ZNF804B: variants seen among roughly 807,000 people sequenced by gnomAD.
The protein encoded by ZNF804B is zinc finger protein 804B.
ZNF804B carries 80 observed loss-of-function variants against 101.4 expected under a neutral mutation model. That is an observed-to-expected ratio of 0.79 (90% CI 0.66 to 0.95). The LOEUF (loss-of-function observed/expected upper bound fraction) is 0.95. Among genes scored for constraint, ZNF804B ranks in the 40% least tolerant of loss-of-function variants. The pLI, the probability that ZNF804B is intolerant of heterozygous loss-of-function variation, is 0.00. For synonymous variants in ZNF804B, 622 were observed against 558.8 expected, an observed-to-expected ratio of 1.11 and a Z score of -1.59; for missense variants, 1,673 against 1,561.9, an observed-to-expected ratio of 1.07 and a Z score of -1.20.
intron 1 of ZNF804B, chr7:88,795,010 G>T: frequency 2.2e-6 from 3 of 1,373,648 alleles, no homozygotes; most frequent in Non-Finnish European, 2.9e-6. Flanking sequence ...TGCTGCCAGG[G>T]TACCTCTTTA....
chr7:88,882,275 C>T (rs1005682603), intron 1 of ZNF804B, among the ~76,000 whole-genome samples: 5 of 152,224 alleles, frequency 3.3e-5, no homozygotes, highest in South Asian at 4.1e-4. Context: ...TTAAAAAATG[C>T]TCAACGTCAG....
At chr7:88,954,578 A>T (rs1793275544) in intron 1 of ZNF804B, among the ~76,000 whole-genome samples, 1 of 150,704 alleles carries the variant, frequency 6.6e-6, no homozygotes, top group Non-Finnish European at 1.5e-5. Flanking sequence ...CACGGGTGGC[A>T]TGAGCAGATA....
intron 1 of ZNF804B, among the ~76,000 whole-genome samples, chr7:88,934,782 A>G (rs892847727): frequency 6.6e-6 from 1 of 152,038 alleles, no homozygotes; most frequent in South Asian, 2.1e-4. Flanking sequence ...ACACCTTTAC[A>G]TTCCTGGTGG....
chr7:88,898,576 C>A (rs1792343905), intron 1 of ZNF804B, among the ~76,000 whole-genome samples: 1 of 152,108 alleles, frequency 6.6e-6, no homozygotes, highest in Admixed American at 6.6e-5. Flanking sequence ...TTTATATGGT[C>A]ACACCTCTCC....
At chr7:88,866,991 A>G (rs753505222) in intron 1 of ZNF804B, among the ~76,000 whole-genome samples, 1 of 152,238 alleles carries the variant, frequency 6.6e-6, no homozygotes, top group Non-Finnish European at 1.5e-5. Context: ...TAAGATGGGC[A>G]CAACAGAATT....
chr7:88,855,535 T>A (rs377006950), intron 1 of ZNF804B, among the ~76,000 whole-genome samples: 2 of 152,024 alleles, frequency 1.3e-5, no homozygotes, highest in Non-Finnish European at 2.9e-5. Context: ...TTGCAAAAAT[T>A]TTCTCCCATT....
At chr7:88,840,952 G>C (rs530918301) in intron 1 of ZNF804B, among the ~76,000 whole-genome samples, 1 of 152,234 alleles carries the variant, frequency 6.6e-6, no homozygotes, top group Non-Finnish European at 1.5e-5. Context: ...CTCATTGACT[G>C]CTAGGGAATA....
At position 89,065,133 on chromosome 7, in the gene ZNF804B, G is replaced by C. The variant is rs572590231; in HGVS notation, c.109-153022G>C. ...CACCTGTCAAGAGAAAGAACCCTCC[G>C]ATAGGAGCTTGCCAGAGCAGCCCCT... On this transcript the variant is annotated intron_variant, in intron 1 of 3. Transcript: ENST00000333190. 2.6e-5 allele frequency among the ~76,000 whole-genome samples: 4 copies of C among 152,162 alleles called. No individual in the cohort carries two copies. In the East Asian group the frequency reaches 7.7e-4, roughly 29 times the overall value.
chr7:88,883,292 C>G (rs1167848091), intron 1 of ZNF804B, among the ~76,000 whole-genome samples: 12 of 152,186 alleles, frequency 7.9e-5, no homozygotes, highest in African/African-American at 2.9e-4. Flanking sequence ...CACATTTTGA[C>G]AAACAGTGAA....
rs151149922 is a variant in ZNF804B at position 88,989,139 on chromosome 7, C to T, written c.109-229016C>T. ...CCGGGTTCAAGGGATTCTCCTGCCT[C>T]AGCCTCCCAAGTAGCTAGGACTTAA... On this transcript the variant is annotated intron_variant, in intron 1 of 3. Coordinates refer to ENST00000333190, the MANE Select transcript of ZNF804B (RefSeq NM_181646.5). Among the ~76,000 whole-genome samples, 383 of 152,072 alleles carry T rather than the reference C, an allele frequency of 2.5e-3. 2 individuals are homozygous for T. Among genetic ancestry groups the T allele is most frequent in the African/African-American group, 9.0e-3 (372 of 41,442 alleles).
chr7:88,779,076 T>C (rs547831937), intron 1 of ZNF804B, among the ~76,000 whole-genome samples: 7 of 152,198 alleles, frequency 4.6e-5, no homozygotes, highest in Non-Finnish European at 8.8e-5. Context: ...GATTCTGAGA[T>C]ATAAAGATGG....
intron 2 of ZNF804B, among the ~76,000 whole-genome samples, chr7:89,323,139 C>G (rs928192359): frequency 2.0e-5 from 3 of 152,182 alleles, no homozygotes; most frequent in African/African-American, 7.2e-5. Flanking sequence ...AAAAAGATGT[C>G]CATCTGCAAA....
Position 89,202,117 on chromosome 7 carries a change from T to C in ZNF804B, c.109-16038T>C, listed in dbSNP as rs571742273. On this transcript the variant is annotated intron_variant, in intron 1 of 3. Transcript: ENST00000333190. ...CACAGTAAAATGGCACAGTAACTCATCCAAGCATTCATATCATAACTAAAT... is the reference window on the plus strand; with the variant it reads ...CACAGTAAAATGGCACAGTAACTCACCCAAGCATTCATATCATAACTAAAT... 1.6e-3 allele frequency among the ~76,000 whole-genome samples: 250 copies of C among 152,208 alleles called. 1 individual carries two copies. The highest frequency in any genetic ancestry group is 3.0e-3 in the Non-Finnish European group (207 of 67,984).
chr7:88,888,405 T>G (rs1346060370), intron 1 of ZNF804B, among the ~76,000 whole-genome samples: 1 of 152,040 alleles, frequency 6.6e-6, no homozygotes, highest in Non-Finnish European at 1.5e-5. Flanking sequence ...AATATATATA[T>G]ATTAGTTTTA....
intron 2 of ZNF804B, among the ~76,000 whole-genome samples, chr7:89,219,980 C>CATAT (rs10640877): frequency 2.4e-4 from 6 of 25,228 alleles, no homozygotes; most frequent in African/African-American, 7.6e-4. Context: ...TATGTATATA[C>CATAT]ATATGTGTGC....
intron 2 of ZNF804B, among the ~76,000 whole-genome samples, chr7:89,290,871 G>T (rs1320200109): frequency 6.6e-6 from 1 of 152,154 alleles, no homozygotes; most frequent in African/African-American, 2.4e-5. Flanking sequence ...GTAAGACCTA[G>T]TAGAGTCCCA....
chr7:89,318,577 A>G (rs1016970450), intron 2 of ZNF804B, among the ~76,000 whole-genome samples: 2 of 152,186 alleles, frequency 1.3e-5, no homozygotes, highest in Admixed American at 1.3e-4. Flanking sequence ...AGACTGGCCA[A>G]CATGGCGAAA....
intron 1 of ZNF804B, among the ~76,000 whole-genome samples, chr7:89,192,659 C>A (rs1430106661): frequency 6.6e-6 from 1 of 151,802 alleles, no homozygotes; most frequent in Admixed American, 6.6e-5. Flanking sequence ...TCTATGAGGC[C>A]ATCATCATTC....
chr7:88,845,956 A>G (rs769828062), intron 1 of ZNF804B, among the ~76,000 whole-genome samples: 21 of 152,234 alleles, frequency 1.4e-4, no homozygotes, highest in East Asian at 1.9e-4. Context: ...AAAAGGAAAG[A>G]AAAGGGGAGA....
Sources: gnomAD v4.1 joint callset for allele counts (sites outside exome capture counted in the v4.1 genomes callset) on GRCh38, gnomAD v4.1.1 for gene constraint, MANE v1.5 for transcripts, NCBI Gene and HGNC (gene_info 2026-07-23, HGNC 2026-07-21) for gene names.